Variants in CACNA1D observed in about 807,000 individuals in gnomAD.
The protein encoded by CACNA1D is voltage-dependent L-type calcium channel subunit alpha-1D.
Under a neutral mutation model 257.1 loss-of-function variants are expected in CACNA1D, and 55 were observed. The observed-to-expected ratio is 0.21, with a 90% CI of 0.17 to 0.27. The LOEUF (loss-of-function observed/expected upper bound fraction) is 0.27. CACNA1D is among the 10% of genes least tolerant of loss of function. The pLI is 1.00. For missense variants in CACNA1D, 1,876 were observed against 2,784.0 expected, an observed-to-expected ratio of 0.67 and a Z score of 7.34; for synonymous variants, 980 against 1,014.9, an observed-to-expected ratio of 0.97 and a Z score of 0.65.
intron 3 of CACNA1D, among the ~76,000 whole-genome samples, chr3:53,588,890 A>G (rs1158446266): frequency 6.6e-6 from 1 of 152,186 alleles, no homozygotes; most frequent in African/African-American, 2.4e-5. Flanking sequence ...CAAGTACAAG[A>G]ATGAGAGAAA....
intron 29 of CACNA1D, among the ~76,000 whole-genome samples, chr3:53,754,705 A>C (rs17053472): frequency 0.38 from 57,948 of 152,112 alleles, 11,787 homozygotes; most frequent in Non-Finnish European, 0.46. Flanking sequence ...TTTCTTTCCC[A>C]GTACAGCCAA....
At chr3:53,745,472 C>T (rs1357587410) in intron 23 of CACNA1D, 152 bp from the exon 24 acceptor site, 7 of 615,098 alleles carry the variant, frequency 1.1e-5, no homozygotes, top group African/African-American at 1.8e-5. Flanking sequence ...AACTCCTGAC[C>T]TCAAGTGATC....
intron 3 of CACNA1D, among the ~76,000 whole-genome samples, chr3:53,564,144 C>G (rs879651543): frequency 6.6e-6 from 1 of 151,912 alleles, no homozygotes; most frequent in Non-Finnish European, 1.5e-5. Flanking sequence ...TCCGTTGAGT[C>G]TTATGTCCAT....
At chr3:53,716,413 AT>A (rs2094818651) in intron 9 of CACNA1D, among the ~76,000 whole-genome samples, 1 of 152,058 alleles carries the variant, frequency 6.6e-6, no homozygotes, top group Non-Finnish European at 1.5e-5. Flanking sequence ...TCCCACTGTG[AT>A]TTTCTTTGTT....
chr3:53,809,082 C>T (rs1208585219), intron 46 of CACNA1D: 1 of 375,066 alleles, frequency 2.7e-6, no homozygotes, highest in African/African-American at 2.0e-5. Context: ...CTGATGTGAT[C>T]TGAGCTCAGG....
chr3:53,762,097 G>T lies in CACNA1D; in HGVS notation c.3870+16G>T, dbSNP rs749587349. On this transcript the variant is annotated intron_variant, in intron 30 of 47. Transcript: ENST00000350061. ...CGAAGCAGACGTGAGTATGCACCTG[G>T]CGTGGCCGCCACCTGTGTCCTCTCT... 6.4e-7 allele frequency: 1 copy of T among 1,551,374 alleles called. No homozygotes were observed. Among genetic ancestry groups the T allele is most frequent in the African/African-American group, 1.4e-5 (1 of 73,774 alleles).
At chr3:53,608,520 A>G (rs1447542351) in intron 3 of CACNA1D, among the ~76,000 whole-genome samples, 2 of 152,184 alleles carry the variant, frequency 1.3e-5, no homozygotes, top group Non-Finnish European at 2.9e-5. Flanking sequence ...ACGATGTGGA[A>G]TAGGAGTAGT....
At chr3:53,570,360 T>C (rs889923443) in intron 3 of CACNA1D, among the ~76,000 whole-genome samples, 4 of 152,236 alleles carry the variant, frequency 2.6e-5, no homozygotes, top group Admixed American at 2.0e-4. Flanking sequence ...TCCAAAGTTA[T>C]ACAGTAAACA....
chr3:53,754,702 C>T (rs532268481), intron 29 of CACNA1D, among the ~76,000 whole-genome samples: 1 of 152,306 alleles, frequency 6.6e-6, no homozygotes, highest in South Asian at 2.1e-4. Context: ...CATTTTCTTT[C>T]CCAGTACAGC....
intron 29 of CACNA1D, among the ~76,000 whole-genome samples, chr3:53,756,981 T>C (rs1559633532): frequency 1.3e-5 from 2 of 152,206 alleles, no homozygotes; most frequent in Non-Finnish European, 2.9e-5. Flanking sequence ...AATATACTAA[T>C]TTATACTCCT....
At chr3:53,705,798 C>T (rs950545435) in intron 9 of CACNA1D, among the ~76,000 whole-genome samples, 2 of 152,246 alleles carry the variant, frequency 1.3e-5, no homozygotes. Context: ...AGCCCAGACC[C>T]TCTGGAGGAG....
chr3:53,767,724 C>T (rs1222127059), intron 30 of CACNA1D, among the ~76,000 whole-genome samples: 3 of 152,202 alleles, frequency 2.0e-5, no homozygotes, highest in Non-Finnish European at 4.4e-5. Flanking sequence ...CTGGCCTCCC[C>T]TTTTCATTGG....
At chr3:53,798,306 T>TGCGTGTGTGTGTGTGTATGTGTGC (rs2095517378) in intron 40 of CACNA1D, among the ~76,000 whole-genome samples, 1 of 125,658 alleles carries the variant, frequency 8.0e-6, no homozygotes, top group Non-Finnish European at 1.8e-5. Flanking sequence ...TGTGTATGTG[T>TGCGTGTGTGTGTGTGTATGTGTGC]GCGTGTGTGT....
In CACNA1D at chr3:53,811,432, T is replaced by C; in HGVS notation, c.*26T>C. ...CCCCCAGCGAGGGGCAGACTGGCTCTGGCCTCAGGTGGGGCGCAGGAGAGC... is the reference window on the plus strand; with the variant it reads ...CCCCCAGCGAGGGGCAGACTGGCTCCGGCCTCAGGTGGGGCGCAGGAGAGC... On this transcript the variant is annotated 3_prime_UTR_variant, in exon 48 of 48. Coordinates refer to ENST00000350061, the MANE Select transcript of CACNA1D (RefSeq NM_001128840.3). This position sits in a 1 kb window ranked among gnomAD's most constrained non-coding sequence, Gnocchi z 4.2. 6.6e-7 allele frequency: 1 copy of C among 1,516,884 alleles called. No homozygotes were observed. Among genetic ancestry groups the C allele is most frequent in the Non-Finnish European group, 8.8e-7 (1 of 1,132,368 alleles). 94.0% of individuals were successfully genotyped at this position (1,516,884 alleles called of 1,614,324 possible). A position where few individuals can be genotyped will look rare whatever the true frequency, so the allele number is the denominator to read the frequency against.
At chr3:53,755,868 A>C (rs2095261513) in intron 29 of CACNA1D, among the ~76,000 whole-genome samples, 1 of 152,180 alleles carries the variant, frequency 6.6e-6, no homozygotes, top group African/African-American at 2.4e-5. Context: ...TCTTTCACAA[A>C]GAAGCCAGGG....
chr3:53,623,557 C>T (rs1004694489), intron 3 of CACNA1D, among the ~76,000 whole-genome samples: 1 of 152,154 alleles, frequency 6.6e-6, no homozygotes, highest in African/African-American at 2.4e-5. Context: ...TAAATATGCT[C>T]AAGTGGAGGA....
chr3:53,529,143 G>A (rs1421310424), intron 3 of CACNA1D, among the ~76,000 whole-genome samples: 2 of 152,130 alleles, frequency 1.3e-5, no homozygotes, highest in African/African-American at 4.8e-5. Context: ...GTTAGTTGGA[G>A]GTTCTGCATA....
intron 8 of CACNA1D, among the ~76,000 whole-genome samples, chr3:53,700,066 A>G (rs1043589005): frequency 1.4e-5 from 2 of 146,758 alleles, no homozygotes; most frequent in South Asian, 4.2e-4. Context: ...TATAAAATGT[A>G]TATAATTATA....
intron 3 of CACNA1D, among the ~76,000 whole-genome samples, chr3:53,641,179 C>T (rs1029806853): frequency 1.3e-5 from 2 of 152,096 alleles, no homozygotes; most frequent in African/African-American, 4.8e-5. Context: ...CCATGACAGA[C>T]GTCAGTTGGT....
Sources: gnomAD v4.1 joint callset for allele counts (sites outside exome capture counted in the v4.1 genomes callset) on GRCh38, gnomAD v4.1.1 for gene constraint, Gnocchi (gnomAD v3.1) non-coding constraint, MANE v1.5 for transcripts, NCBI Gene and HGNC (gene_info 2026-07-23, HGNC 2026-07-21) for gene names.